ANO4: variants seen among roughly 807,000 people sequenced by gnomAD.
The protein encoded by ANO4 is anoctamin 4.
A neutral mutation model predicts 141.9 loss-of-function variants in ANO4; 69 were observed. The ratio of observed to expected loss-of-function variants is 0.49; its 90% CI spans 0.40 to 0.59. ANO4 has a LOEUF of 0.59. ANO4 is among the 20% of genes least tolerant of loss of function. ANO4 has a pLI of 0.00. For synonymous variants in ANO4, 350 were observed against 394.3 expected (o/e 0.89, Z 1.33); for missense variants, 894 against 1,162.2 (o/e 0.77, Z 3.36).
At chr12:101,092,994 G>T (rs2049840471) in intron 17 of ANO4, among the ~76,000 whole-genome samples, 1 of 152,050 alleles carries the variant, frequency 6.6e-6, no homozygotes, top group Non-Finnish European at 1.5e-5. Context: ...AAATATATTT[G>T]ATTAGAACAT....
intron 1 of ANO4, among the ~76,000 whole-genome samples, chr12:100,889,626 A>G (rs1379680289): frequency 6.6e-6 from 1 of 152,238 alleles, no homozygotes; most frequent in Non-Finnish European, 1.5e-5. Flanking sequence ...CAGCCAACAG[A>G]CACATGAAAA....
chr12:100,952,677 G>C (rs1350471612), intron 5 of ANO4, among the ~76,000 whole-genome samples: 1 of 152,132 alleles, frequency 6.6e-6, no homozygotes, highest in African/African-American at 2.4e-5. Context: ...GGTTCATCTT[G>C]TTAGGGCAGT....
At chr12:100,829,880 C>G (rs2036548919) in intron 1 of ANO4, among the ~76,000 whole-genome samples, 1 of 151,958 alleles carries the variant, frequency 6.6e-6, no homozygotes, top group African/African-American at 2.4e-5. Flanking sequence ...AATCATTGTT[C>G]CTCCAGCATA....
chr12:100,724,954 AC>A (rs1463722912), intron 1 of ANO4, among the ~76,000 whole-genome samples: 3 of 152,218 alleles, frequency 2.0e-5, no homozygotes, highest in African/African-American at 7.2e-5. Context: ...CCTTTTATAA[AC>A]AATTTAGATT....
intron 1 of ANO4, among the ~76,000 whole-genome samples, chr12:100,801,902 G>C (rs576766269): frequency 5.6e-4 from 86 of 152,320 alleles, no homozygotes; most frequent in African/African-American, 2.0e-3. Flanking sequence ...ATAGAAATTT[G>C]TTTGGAATCT....
chr12:100,959,136 GCTGATAACCTTGCCTATACT>G (rs1399804976), intron 5 of ANO4, among the ~76,000 whole-genome samples: 1 of 151,292 alleles, frequency 6.6e-6, no homozygotes. Context: ...ACACAGTTCT[GCTGATAACCTTGCCTATACT>G]CTGATAGAAA....
intron 3 of ANO4, among the ~76,000 whole-genome samples, chr12:100,761,836 C>T (rs560755406): frequency 1.3e-5 from 2 of 152,280 alleles, no homozygotes; most frequent in African/African-American, 4.8e-5. Context: ...CAATTCTAGT[C>T]TTCTTTCCCT....
At chr12:100,771,969 C>T (rs765179219) in intron 3 of ANO4, among the ~76,000 whole-genome samples, 79 of 152,178 alleles carry the variant, frequency 5.2e-4, no homozygotes, top group Admixed American at 7.2e-4. Flanking sequence ...TATGATCACA[C>T]ATGAAAAATC....
At chr12:101,047,292 G>A (rs954717324) in intron 13 of ANO4, among the ~76,000 whole-genome samples, 1 of 151,990 alleles carries the variant, frequency 6.6e-6, no homozygotes, top group Non-Finnish European at 1.5e-5. Context: ...CTGATAGATA[G>A]CACAGTCCAG....
At chr12:101,114,407 T>A (rs1218553416) in intron 24 of ANO4, among the ~76,000 whole-genome samples, 6 of 152,200 alleles carry the variant, frequency 3.9e-5, no homozygotes, top group African/African-American at 1.4e-4. Context: ...TGTGTTCCTG[T>A]ACTAGGTACA....
chr12:101,097,912 A>G lies in ANO4; in HGVS notation c.1973A>G (p.Gln658Arg). 1 of 1,613,850 alleles carries G rather than the reference A, an allele frequency of 6.2e-7. No individual in the cohort carries two copies. The highest frequency in any genetic ancestry group is 1.3e-5 in the African/African-American group (1 of 75,034). ...MQMGIIMVLKQTWNNFMELGY... is the reference protein window; with the variant it reads ...MQMGIIMVLKRTWNNFMELGY... The stretch of plus-strand genomic sequence containing the variant: ...ATGGGTATTATAATGGTGCTAAAGC[A>G]GACCTGGAATAATTTCATGGAACTT... The change falls in exon 21 of 28, where the codon CAG becomes CGG. Residue 658 changes from glutamine to arginine, a missense_variant. Physicochemically the swap from Gln to Arg is conservative, Grantham distance 43. Transcript: ENST00000392977.
At chr12:100,999,174 G>T (rs1187161253) in intron 8 of ANO4, among the ~76,000 whole-genome samples, 1 of 152,186 alleles carries the variant, frequency 6.6e-6, no homozygotes, top group Non-Finnish European at 1.5e-5. Context: ...AATTCTGAAG[G>T]CTAGGGTGCA....
Position 100,939,392 on chromosome 12 carries a change from C to A in ANO4, c.238C>A (p.His80Asn). 6.2e-7 allele frequency: 1 copy of A among 1,613,802 alleles called. No homozygotes were observed. The highest frequency in any genetic ancestry group is 2.2e-5 in the East Asian group (1 of 44,858). The change falls in exon 4 of 28, where the codon CAC (histidine) becomes AAC (asparagine). Residue 80 changes from histidine to asparagine, a missense_variant. This residue lies in a region of ANO4 where 257 missense variants were observed against 253.0 expected (regional missense o/e 1.02). Transcript: ENST00000392977. ...TTGCAAAGATGACGATTCTCTTCTTCACCCTGGAAACCTGACTAGTACTTC... is the reference window on the plus strand; with the variant it reads ...TTGCAAAGATGACGATTCTCTTCTTAACCCTGGAAACCTGACTAGTACTTC... ...SPCKDDDSLL[H>N]PGNLTSTSDD... is the part of the protein sequence containing the mutation.
chr12:100,855,339 T>C (rs2038107412), intron 1 of ANO4, among the ~76,000 whole-genome samples: 2 of 152,174 alleles, frequency 1.3e-5, no homozygotes, highest in African/African-American at 4.8e-5. Context: ...CAGAGGCTTA[T>C]AAAAAATAGA....
chr12:101,092,738 A>G (rs780557915), intron 17 of ANO4, among the ~76,000 whole-genome samples: 4 of 152,100 alleles, frequency 2.6e-5, no homozygotes, highest in Non-Finnish European at 4.4e-5. Flanking sequence ...TTAAAATTAC[A>G]ATGTTTTCAG....
At chr12:101,124,101 C>A (rs998020291) in intron 26 of ANO4, among the ~76,000 whole-genome samples, 21 of 152,118 alleles carry the variant, frequency 1.4e-4, no homozygotes, top group African/African-American at 4.8e-4. Flanking sequence ...AAAAGTGTTC[C>A]TTTTTCTCTG....
At chr12:100,909,847 A>G (rs1197349459) in intron 2 of ANO4, among the ~76,000 whole-genome samples, 1 of 152,192 alleles carries the variant, frequency 6.6e-6, no homozygotes, top group African/African-American at 2.4e-5. Context: ...CTTAGTTTCT[A>G]CATCAGTAAA....
At chr12:100,984,626 A>T (rs1216789345) in intron 7 of ANO4, among the ~76,000 whole-genome samples, 2 of 152,168 alleles carry the variant, frequency 1.3e-5, no homozygotes, top group Non-Finnish European at 2.9e-5. Flanking sequence ...CCTCTATTTT[A>T]TAACCTTGGA....
chr12:100,962,071 C>T (rs2043449017), intron 5 of ANO4, among the ~76,000 whole-genome samples: 1 of 152,198 alleles, frequency 6.6e-6, no homozygotes. Flanking sequence ...GATTTGTGCT[C>T]AGCCCCTCAG....
Sources: allele counts gnomAD v4.1 joint callset (sites outside exome capture counted in the v4.1 genomes callset), GRCh38; gene constraint gnomAD v4.1.1; regional missense constraint gnomAD v4.1.1; transcripts MANE v1.5; gene names NCBI Gene and HGNC (gene_info 2026-07-23, HGNC 2026-07-21).